Variants in DNMT3A observed in about 807,000 individuals in gnomAD.
The protein encoded by DNMT3A is DNA methyltransferase 3 alpha, also known as DNA (cytosine-5)-methyltransferase 3A.
Under a neutral mutation model 117.6 loss-of-function variants are expected in DNMT3A, and 267 were observed. The observed-to-expected ratio is 2.27, with a 90% CI of 2.05 to 2.51. DNMT3A has a LOEUF of 2.51. Ranked by LOEUF, DNMT3A falls within the 30% of genes most tolerant of loss-of-function variation. The pLI, the probability that DNMT3A is intolerant of heterozygous loss-of-function variation, is 0.00. For synonymous variants in DNMT3A, 432 were observed against 474.8 expected, an observed-to-expected ratio of 0.91 and a Z score of 1.17; for missense variants, 1,029 against 1,260.2, an observed-to-expected ratio of 0.82 and a Z score of 2.78.
intron 6 of DNMT3A, among the ~76,000 whole-genome samples, chr2:25,273,933 GT>G (rs1368597610): frequency 6.6e-6 from 1 of 152,200 alleles, no homozygotes; most frequent in Admixed American, 6.5e-5. Context: ...AAATGTCGGG[GT>G]TTTCATGGAC....
intron 1 of DNMT3A, among the ~76,000 whole-genome samples, chr2:25,341,316 G>T (rs1217092164): frequency 1.4e-5 from 2 of 144,342 alleles, no homozygotes; most frequent in African/African-American, 5.0e-5. Flanking sequence ...CGCTCCCCCG[G>T]GCCGCCGCGG....
intron 1 of DNMT3A, 155 bp from the exon 2 acceptor site, chr2:25,314,316 C>A: frequency 1.0e-6 from 1 of 985,330 alleles, no homozygotes; most frequent in Non-Finnish European, 1.2e-6. Context: ...CCGAGGCAGG[C>A]TCCCTTCAGG....
At chr2:25,283,415 C>A (rs2032047099) in intron 3 of DNMT3A, among the ~76,000 whole-genome samples, 1 of 151,946 alleles carries the variant, frequency 6.6e-6, no homozygotes, top group Non-Finnish European at 1.5e-5. Context: ...CAATAAGACC[C>A]CCCTCTCCCT....
At position 25,286,199 on chromosome 2, in the gene DNMT3A, C is replaced by CTATG; in HGVS notation, c.178-3492_178-3489dup. Among the ~76,000 whole-genome samples, 1 of 152,310 alleles carries CTATG rather than the reference C, an allele frequency of 6.6e-6. No individual in the cohort carries two copies. Among genetic ancestry groups the CTATG allele is most frequent in the East Asian group, 1.9e-4 (1 of 5,180 alleles). On this transcript the variant is annotated intron_variant, in intron 3 of 22. Coordinates refer to ENST00000321117, the MANE Select transcript of DNMT3A (RefSeq NM_022552.5). The surrounding 1 kb of genome is among the most constrained non-coding windows in gnomAD (Gnocchi z 4.3). ...ACTGCTGGCTCCGTAGCATAGAGAC[C>CTATG]TATGAGGGCCGGCTCTGAGGCCCAA...
intron 6 of DNMT3A, among the ~76,000 whole-genome samples, chr2:25,269,740 G>A (rs1455715043): frequency 6.6e-5 from 10 of 152,160 alleles, no homozygotes; most frequent in African/African-American, 2.4e-4. Context: ...AACAGGAGAT[G>A]GAACAGACAG....
At chr2:25,338,758 C>A (rs1433242205) in intron 1 of DNMT3A, among the ~76,000 whole-genome samples, 1 of 152,188 alleles carries the variant, frequency 6.6e-6, no homozygotes, top group Non-Finnish European at 1.5e-5. Context: ...GCAGGCCTGG[C>A]TCCACTTCTT....
At chr2:25,287,655 A>G (rs2032407079) in intron 3 of DNMT3A, among the ~76,000 whole-genome samples, 1 of 151,952 alleles carries the variant, frequency 6.6e-6, no homozygotes. Flanking sequence ...GGCTGCCACA[A>G]GGTTAGGGTG....
At position 25,228,918 on chromosome 2, in the gene DNMT3A, C is replaced by G. The variant is rs1573283920; in HGVS notation, c.*5361G>C. 6.6e-6 allele frequency: 1 copy of G among 152,272 alleles called. No homozygotes were observed. The highest frequency in any genetic ancestry group is 2.4e-5 in the African/African-American group (1 of 41,462). The allele number at this position is 152,272 out of a possible 1,614,324, so 9.4% of individuals were successfully genotyped here. A position where few individuals can be genotyped will look rare whatever the true frequency, so the allele number is the denominator to read the frequency against. On this transcript the variant is annotated 3_prime_UTR_variant, in exon 23 of 23. Transcript: ENST00000321117. ...GCTGAGGGAGCCGCCCTCCTCACCC[C>G]CCAGTGGAGCTGAGCCAGGGAGCTT...
At chr2:25,264,536 C>T (rs375119621) in intron 6 of DNMT3A, among the ~76,000 whole-genome samples, 142 of 151,640 alleles carry the variant, frequency 9.4e-4, no homozygotes, top group Admixed American at 1.8e-3. Flanking sequence ...GGTGCGATCT[C>T]GGCTCACTGC....
At chr2:25,312,278 G>A (rs573706064) in intron 2 of DNMT3A, among the ~76,000 whole-genome samples, 1 of 152,336 alleles carries the variant, frequency 6.6e-6, no homozygotes, top group African/African-American at 2.4e-5. Context: ...CATGCTGCTT[G>A]AGTCCTGAGC....
chr2:25,322,197 T>C (rs956559230), intron 1 of DNMT3A, among the ~76,000 whole-genome samples: 1 of 152,192 alleles, frequency 6.6e-6, no homozygotes, highest in African/African-American at 2.4e-5. Flanking sequence ...TTAAATTATA[T>C]GCATGTACTA....
intron 6 of DNMT3A, among the ~76,000 whole-genome samples, chr2:25,264,134 T>TTTTTTTTTTTTC (rs2029972874): frequency 8.3e-6 from 1 of 119,850 alleles, no homozygotes; most frequent in Non-Finnish European, 1.7e-5. Flanking sequence ...ACCCTTTGGT[T>TTTTTTTTTTTTC]TTTTTTTTTT....
At chr2:25,250,523 G>C (rs779208755) in intron 6 of DNMT3A, among the ~76,000 whole-genome samples, 39 of 152,116 alleles carry the variant, frequency 2.6e-4, no homozygotes, top group Non-Finnish European at 4.6e-4. Context: ...CTCTCACCTG[G>C]CCAGAACTCT....
At chr2:25,319,838 C>T (rs138112863) in intron 1 of DNMT3A, among the ~76,000 whole-genome samples, 302 of 151,530 alleles carry the variant, frequency 2.0e-3, no homozygotes, top group African/African-American at 7.0e-3. Flanking sequence ...GGCGCATTCT[C>T]GGCTCACCAC....
intron 4 of DNMT3A, among the ~76,000 whole-genome samples, chr2:25,280,896 T>C (rs1269537260): frequency 2.0e-5 from 3 of 152,122 alleles, no homozygotes; most frequent in Non-Finnish European, 4.4e-5. Flanking sequence ...GGCTCCATGC[T>C]TCAGGGCAGG....
Position 25,235,728 on chromosome 2 carries a change from A to T in DNMT3A, c.2576T>A (p.Leu859Ter). 6.2e-7 allele frequency: 1 copy of T among 1,614,048 alleles called. No individual in the cohort carries two copies. The highest frequency in any genetic ancestry group is 8.5e-7 in the Non-Finnish European group (1 of 1,179,928). The change falls in exon 22 of 23, where the codon TTA (leucine) becomes TAA (stop). Residue 859 changes from leucine (L) to a stop codon, truncating the protein, a stop_gained. Coordinates refer to ENST00000321117, the MANE Select transcript of DNMT3A (RefSeq NM_022552.5). LOFTEE classifies it high-confidence loss of function. ...GTACCTTTCCATTTCAGTGCACCAT[A>T]AGATGTCCTCTTTCTCATTCATGAA... is the stretch of plus-strand genomic sequence containing the variant. ...PVFMNEKEDI[L>*]WCTEMERVFG...
At chr2:25,241,845 T>A in intron 16 of DNMT3A, 138 bp from the exon 17 acceptor site, 1 of 1,143,452 alleles carries the variant, frequency 8.7e-7, no homozygotes, top group Non-Finnish European at 1.2e-6. Flanking sequence ...GAAGATGCCT[T>A]AAATCCTTTC....
chr2:25,310,892 T>C (rs963538118), intron 2 of DNMT3A, among the ~76,000 whole-genome samples: 68 of 152,304 alleles, frequency 4.5e-4, no homozygotes, highest in Non-Finnish European at 4.3e-4. Flanking sequence ...AGCTTTGCCT[T>C]CCCAGGTGAT....
chr2:25,328,749 C>A (rs781023764), intron 1 of DNMT3A: 1 of 490,116 alleles, frequency 2.0e-6, no homozygotes, highest in Non-Finnish European at 4.2e-6. Flanking sequence ...TGGCAGAGCC[C>A]CCAAGGCACT....
Sources: gnomAD v4.1 joint callset for allele counts (sites outside exome capture counted in the v4.1 genomes callset) on GRCh38, gnomAD v4.1.1 for gene constraint, Gnocchi (gnomAD v3.1) non-coding constraint, MANE v1.5 for transcripts, NCBI Gene and HGNC (gene_info 2026-07-23, HGNC 2026-07-21) for gene names.